GFUS: variants seen among roughly 807,000 people sequenced by gnomAD.
GFUS encodes 3-5 epimerase/4-reductase.
In GFUS, 42 loss-of-function variants were observed where a neutral mutation model predicts 41.5. That is an observed-to-expected ratio of 1.01 (90% CI 0.79 to 1.31). GFUS has a LOEUF of 1.31. GFUS is among the 50% of genes most tolerant of loss of function. The pLI, the probability that GFUS is intolerant of heterozygous loss-of-function variation, is 0.00. For missense variants in GFUS, 437 were observed against 428.7 expected, an observed-to-expected ratio of 1.02 and a Z score of -0.17; for synonymous variants, 188 against 173.4, an observed-to-expected ratio of 1.08 and a Z score of -0.66.
intron 10 of GFUS, 61 bp from the exon 11 acceptor site, chr8:143,613,026 TG>T: frequency 2.5e-6 from 4 of 1,588,890 alleles, no homozygotes; most frequent in Non-Finnish European, 8.6e-7. Context: ...TGGGAGGAAG[TG>T]GGGGGAGGAG....
At chr8:143,614,539 G>A (rs1270390130) in intron 5 of GFUS, 85 bp downstream of exon 5, 28 of 1,559,660 alleles carry the variant, frequency 1.8e-5, no homozygotes, top group Admixed American at 7.0e-5. Flanking sequence ...AGGCTGGCAC[G>A]AAGACCCGAC....
Position 143,612,776 on chromosome 8 carries a change from TG to T in GFUS, c.*133del. The T allele has an allele frequency of 1.7e-6, 2 of 1,145,468 alleles. No individual in the cohort carries two copies. The highest frequency in any genetic ancestry group is 2.5e-6 in the Non-Finnish European group (2 of 808,068). The allele number at this position is 1,145,468 out of a possible 1,614,324, so 71.0% of individuals were successfully genotyped here. On this transcript the variant is annotated 3_prime_UTR_variant, in exon 11 of 11. Coordinates refer to ENST00000425753, the MANE Select transcript of GFUS (RefSeq NM_003313.4). ...ATGGGGGCCCCACTGGAAAGATGCT[TG>T]GGGCTGCAGAGCGGATGGAATGCAG...
intron 2 of GFUS, 26 bp downstream of exon 2, chr8:143,616,541 G>A: frequency 1.9e-6 from 3 of 1,613,712 alleles, no homozygotes; most frequent in East Asian, 2.2e-5. Context: ...GAGAGGAAGG[G>A]CTGATCTGGG....
At chr8:143,616,031 G>T in intron 3 of GFUS, 75 bp downstream of exon 3, 2 of 1,293,386 alleles carry the variant, frequency 1.5e-6, no homozygotes, top group Non-Finnish European at 2.2e-6. Flanking sequence ...GCCTGTGAGA[G>T]TGGGAAGCCC....
chr8:143,613,207 G>T lies in GFUS; in HGVS notation c.899C>A (p.Pro300His), dbSNP rs757419159. The T allele has an allele frequency of 6.2e-7, 1 of 1,613,912 alleles. No homozygotes were observed. The highest frequency in any genetic ancestry group is 8.5e-7 in the Non-Finnish European group (1 of 1,179,926). Residue 300 changes from proline (P) to histidine (H), a missense_variant, in exon 10 of 11, where the codon CCC (proline) becomes CAC (histidine). Pro to His is a moderately conservative substitution (Grantham distance 77, BLOSUM62 -2). Coordinates refer to ENST00000425753, the MANE Select transcript of GFUS (RefSeq NM_003313.4). ...RTYLPDFRFTPFKQAVKETCA... is the reference protein window; with the variant it reads ...RTYLPDFRFTHFKQAVKETCA... The stretch of plus-strand genomic sequence containing the variant: ...GGGTCAGGGCTCACCCTGCTTGAAG[G>T]GTGTGAACCGGAAGTCGGGCAGGTA...
At chr8:143,617,016 A>AC (rs1829744843) in intron 1 of GFUS, 3 of 422,014 alleles carry the variant, frequency 7.1e-6, no homozygotes, top group East Asian at 3.9e-5. Flanking sequence ...CCTCTGACTG[A>AC]CAAGAGGGGA....
rs577946605 is a variant in GFUS at position 143,615,477 on chromosome 8, C to T, written c.262-562G>A. On this transcript the variant is annotated intron_variant, in intron 3 of 10. Coordinates refer to ENST00000425753, the MANE Select transcript of GFUS (RefSeq NM_003313.4). ...CAGCCTGCTGGGAAGGCCGAGACACCGACAAAGAGGGCTCTGGGGTGACAG... is the reference window on the plus strand; with the variant it reads ...CAGCCTGCTGGGAAGGCCGAGACACTGACAAAGAGGGCTCTGGGGTGACAG... Among the ~76,000 whole-genome samples the T allele has an allele frequency of 2.6e-3, 393 of 152,288 alleles. 2 individuals are homozygous for T. Among genetic ancestry groups the T allele is most frequent in the Non-Finnish European group, 4.7e-3 (321 of 68,008 alleles).
Position 143,612,955 on chromosome 8 carries a change from C to T in GFUS, c.921G>A (p.Glu307=), listed in dbSNP as rs547648630. The T allele has an allele frequency of 1.2e-6, 2 of 1,610,600 alleles. No homozygotes were observed. The highest frequency in any genetic ancestry group is 2.7e-5 in the African/African-American group (2 of 74,954). ...AGTTGTCAGTGAACCAAGCACAGGT[C>T]TCCTTCACCGCTGCAGAGGCAGGCA... ...RFTPFKQAVK[E]TCAWFTDNYE... The change falls in exon 11 of 11, where the codon GAG becomes GAA. Residue 307 remains glutamate (E), a synonymous_variant. Coordinates refer to ENST00000425753, the MANE Select transcript of GFUS (RefSeq NM_003313.4).
rs1185588050 is a variant in GFUS, at chr8:143,614,774, C to T, written c.390+13G>A. On this transcript the variant is annotated intron_variant, in intron 4 of 10. Coordinates refer to ENST00000425753, the MANE Select transcript of GFUS (RefSeq NM_003313.4). ...CTCCCCGGCCCCACCCACAGCCAGGCCCTGCCCCTCACCATGGTCTCATCT... is the reference window on the plus strand; with the variant it reads ...CTCCCCGGCCCCACCCACAGCCAGGTCCTGCCCCTCACCATGGTCTCATCT... 6 of 1,613,430 alleles carry T rather than the reference C, an allele frequency of 3.7e-6. No homozygotes were observed. Among genetic ancestry groups the T allele is most frequent in the Admixed American group, 1.7e-5 (1 of 60,002 alleles).
chr8:143,613,527 G>A lies in GFUS; in HGVS notation c.807C>T (p.Val269=), dbSNP rs143871496. 2.0e-5 allele frequency: 32 copies of A among 1,610,578 alleles called. No homozygotes were observed. In the Middle Eastern group the frequency reaches 9.9e-4, roughly 50 times the overall value. The change falls in exon 9 of 11, where the codon GTC becomes GTT. Residue 269 remains valine (V), a synonymous_variant. Coordinates refer to ENST00000425753, the MANE Select transcript of GFUS (RefSeq NM_003313.4). ...CAGCACTGGAGCCAGAGGATACGGT[G>A]ACTTCCCCATGGAAGTCCATGGCCT... is the stretch of plus-strand genomic sequence containing the variant. ...VVEAMDFHGE[V]TFDTTKSDGQ...
chr8:143,613,088 G>A (rs765760169), intron 10 of GFUS, 108 bp downstream of exon 10: 103 of 1,537,704 alleles, frequency 6.7e-5, no homozygotes, highest in Non-Finnish European at 8.8e-5. Flanking sequence ...CCACCTCCAG[G>A]GCAGTACAGG....
At chr8:143,614,742 C>T in intron 4 of GFUS, 45 bp from the exon 5 acceptor site, 1 of 1,613,184 alleles carries the variant, frequency 6.2e-7, no homozygotes, top group South Asian at 1.1e-5. Flanking sequence ...CTGGCCCTGC[C>T]CACCGGCTCC....
chr8:143,614,451 G>T lies in GFUS; in HGVS notation c.467C>A (p.Ala156Asp). 1 of 1,610,820 alleles carries T rather than the reference G, an allele frequency of 6.2e-7. No individual in the cohort carries two copies. Among genetic ancestry groups the T allele is most frequent in the Non-Finnish European group, 8.5e-7 (1 of 1,177,922 alleles). The change falls in exon 6 of 11, where the codon GCC becomes GAC. Residue 156 changes from alanine to aspartate, a missense_variant and splice_region_variant. Physicochemically the swap from Ala to Asp is moderately radical, Grantham distance 126. Coordinates refer to ENST00000425753, the MANE Select transcript of GFUS (RefSeq NM_003313.4). ...GGTGCAGCCGTACTGCTGGAAGTAG[G>T]CCCTGCGGAGGCACAGCGTCTCCTG... ...AKRMIDVQNRAYFQQYGCTFT... is the reference protein window; with the variant it reads ...AKRMIDVQNRDYFQQYGCTFT...
In GFUS at chr8:143,613,339, C is replaced by T. The variant is rs760973795; in HGVS notation, c.811-44G>A. 41 of 1,582,692 alleles carry T rather than the reference C, an allele frequency of 2.6e-5. No individual in the cohort carries two copies. In the Admixed American group the frequency reaches 6.7e-4, roughly 26 times the overall value. ...CCACAGCGAGAAGAGCACCTCCACC[C>T]CAGCCCCCGCAGCTTGCCCTTGAAC... On this transcript the variant is annotated intron_variant, in intron 9 of 10. Transcript: ENST00000425753.
At chr8:143,616,767 T>G in intron 1 of GFUS, 44 bp from the exon 2 acceptor site, 4 of 1,608,328 alleles carry the variant, frequency 2.5e-6, no homozygotes, top group Non-Finnish European at 3.4e-6. Flanking sequence ...CACGCTCTCA[T>G]CCTTTGGAGC....
chr8:143,616,021 G>T, intron 3 of GFUS, 85 bp downstream of exon 3: 1 of 1,156,612 alleles, frequency 8.6e-7, no homozygotes, highest in Non-Finnish European at 1.2e-6. Context: ...GGGAATGTGG[G>T]CCTGTGAGAG....
intron 1 of GFUS, 67 bp from the exon 2 acceptor site, chr8:143,616,790 T>C: frequency 6.3e-7 from 1 of 1,588,346 alleles, no homozygotes; most frequent in Non-Finnish European, 8.6e-7. Flanking sequence ...CACTCTTCTG[T>C]GGCAACTGGC....
Position 143,616,686 on chromosome 8 carries a change from C to A in GFUS, c.27G>T (p.Arg9=). 6.2e-7 allele frequency: 1 copy of A among 1,613,806 alleles called. No homozygotes were observed. Residue 9 remains arginine (R), a synonymous_variant, in exon 2 of 11, where the codon CGG becomes CGT. Transcript: ENST00000425753. The part of the protein sequence containing the change: MGEPQGSM[R]ILVTGGSGLV... ...GCCCAGAGCCCCCTGTCACTAGAAT[C>A]CGCATGGATCCCTGGGGTTCACCCA...
In GFUS at chr8:143,616,549, G is replaced by A; in HGVS notation, c.146+18C>T. 1 of 1,613,780 alleles carries A rather than the reference G, an allele frequency of 6.2e-7. No individual in the cohort carries two copies. Among genetic ancestry groups the A allele is most frequent in the Non-Finnish European group, 8.5e-7 (1 of 1,179,932 alleles). Reference sequence around the variant, plus strand: ...TAGGATGGAGAGGAAGGGCTGATCTGGGGATGGGCTCACTCACGTGAGATC... The same window carrying A: ...TAGGATGGAGAGGAAGGGCTGATCTAGGGATGGGCTCACTCACGTGAGATC... On this transcript the variant is annotated intron_variant, in intron 2 of 10. Transcript: ENST00000425753.
Sources: allele counts gnomAD v4.1 joint callset (sites outside exome capture counted in the v4.1 genomes callset), GRCh38; gene constraint gnomAD v4.1.1; transcripts MANE v1.5; gene names NCBI Gene and HGNC (gene_info 2026-07-23, HGNC 2026-07-21).